The following SLC38A8 variants were observed in gnomAD, a reference collection of about 807,000 sequenced individuals.
SLC38A8 encodes solute carrier family 38 member 8, also known as amino acid transporter SLC38A8.
In SLC38A8, 65 loss-of-function variants were observed where a neutral mutation model predicts 46.0. That is an observed-to-expected ratio of 1.41 (90% CI 1.16 to 1.74). The LOEUF is 1.74. Among genes scored for constraint, SLC38A8 ranks in the 40% most tolerant of loss-of-function variants. The probability of loss-of-function intolerance (pLI) is 0.00; values close to 1 mark genes in which losing one functional copy is unlikely to be tolerated. For missense variants in SLC38A8, 998 were observed against 567.9 expected, an observed-to-expected ratio of 1.76 and a Z score of -7.70; for synonymous variants, 447 against 243.7, an observed-to-expected ratio of 1.83 and a Z score of -7.77.
chr16:84,014,687 A>C (rs1257533916), intron 9 of SLC38A8, among the ~76,000 whole-genome samples: 7 of 152,186 alleles, frequency 4.6e-5, no homozygotes, highest in Non-Finnish European at 8.8e-5. Context: ...CCCAGTCTTT[A>C]TCTCTTAATC....
At chr16:84,020,526 C>A (rs1232643981) in intron 7 of SLC38A8, among the ~76,000 whole-genome samples, 1 of 152,186 alleles carries the variant, frequency 6.6e-6, no homozygotes, top group African/African-American at 2.4e-5. Flanking sequence ...GCAGAATTAG[C>A]AACGCACGCA....
chr16:84,011,730 G>C (rs1033515712), intron 10 of SLC38A8, among the ~76,000 whole-genome samples: 5 of 152,118 alleles, frequency 3.3e-5, no homozygotes, highest in Non-Finnish European at 7.4e-5. Flanking sequence ...CCTTATAAAA[G>C]AAAGGCAGCC....
At position 84,017,255 on chromosome 16, in the gene SLC38A8, C is replaced by G; in HGVS notation, c.838G>C (p.Val280Leu). ...TAGGACATCAAGACGTCAGCAGAAACTTCTGTCCCAAAAGTCAGGAAGCCA... is the reference window on the plus strand; with the variant it reads ...TAGGACATCAAGACGTCAGCAGAAAGTTCTGTCCCAAAAGTCAGGAAGCCA... ...VYGFLTFGTE[V>L]SADVLMSYPG... is the part of the protein sequence containing the mutation. The change falls in exon 8 of 11, where the codon GTT becomes CTT. Residue 280 changes from valine (V) to leucine (L), a missense_variant. Coordinates refer to ENST00000299709, the MANE Select transcript of SLC38A8 (RefSeq NM_001080442.3). The G allele has an allele frequency of 6.2e-7, 1 of 1,614,124 alleles. No individual in the cohort carries two copies. Among genetic ancestry groups the G allele is most frequent in the Non-Finnish European group, 8.5e-7 (1 of 1,180,012 alleles).
intron 1 of SLC38A8, 75 bp from the exon 2 acceptor site, chr16:84,042,234 G>A (rs889289960): frequency 6.7e-7 from 1 of 1,486,864 alleles, no homozygotes; most frequent in Non-Finnish European, 9.0e-7. Context: ...ATCCTTATTT[G>A]TCTCCCCAAC....
chr16:84,022,885 T>C lies in SLC38A8; in HGVS notation c.695A>G (p.His232Arg), dbSNP rs200596605. Reference sequence around the variant, plus strand: ...GCAGTAGATGGAGACGGCAGCTTCGTGACACTGTAAGACAGAGGGCGGCTC... The same window carrying C: ...GCAGTAGATGGAGACGGCAGCTTCGCGACACTGTAAGACAGAGGGCGGCTC... ...FPTICFGFQC[H>R]EAAVSIYCSM... The change falls in exon 7 of 11, where the codon CAC becomes CGC. Residue 232 changes from histidine (H) to arginine (R), a missense_variant. By Grantham distance (29) the His-to-Arg change is conservative. Coordinates refer to ENST00000299709, the MANE Select transcript of SLC38A8 (RefSeq NM_001080442.3). 3 of 1,601,784 alleles carry C rather than the reference T, an allele frequency of 1.9e-6. No homozygotes were observed. The East Asian group carries it at 6.8e-5, about 36-fold the overall frequency.
At position 84,009,837 on chromosome 16, in the gene SLC38A8, C is replaced by A. The variant is rs371651350; in HGVS notation, c.1255G>T (p.Gly419Cys). ...EVWGVVSVLV[G>C]TFIFGQSTAA... ...GTGCTCTGCCCAAAGATGAAGGTGC[C>A]GACCAGCACAGAGACCACTCCCCAG... is the stretch of plus-strand genomic sequence containing the variant. The change falls in exon 11 of 11, where the codon GGC (glycine) becomes TGC (cysteine). Residue 419 changes from glycine (G) to cysteine (C), a missense_variant. Physicochemically the swap from Gly to Cys is radical, Grantham distance 159. Transcript: ENST00000299709. 3 of 1,614,104 alleles carry A rather than the reference C, an allele frequency of 1.9e-6. No individual in the cohort carries two copies. The highest frequency in any genetic ancestry group is 1.7e-5 in the Admixed American group (1 of 60,006).
Position 84,042,051 on chromosome 16 carries a change from G to C in SLC38A8, c.107C>G (p.Ser36Cys), listed in dbSNP as rs772857084. The C allele has an allele frequency of 5.0e-6, 8 of 1,613,922 alleles. No homozygotes were observed. The highest frequency in any genetic ancestry group is 1.6e-4 in the Middle Eastern group (1 of 6,078). The change falls in exon 2 of 11, where the codon TCC (serine) becomes TGC (cysteine). Residue 36 changes from serine (S) to cysteine (C), a missense_variant. Physicochemically the swap from Ser to Cys is moderately radical, Grantham distance 112. Transcript: ENST00000299709. Reference protein sequence around the residue: ...SMGAVFILMKSALGAGLLNFP... With the variant: ...SMGAVFILMKCALGAGLLNFP... ...GTTGAGCAGGCCAGCTCCCAGCGCG[G>C]ACTTCATGAGGATGAAGACAGCGCC...
rs765103387 is a variant in SLC38A8, at chr16:84,031,851, G to C, written c.632+16C>G. On this transcript the variant is annotated intron_variant, in intron 5 of 10. Coordinates refer to ENST00000299709, the MANE Select transcript of SLC38A8 (RefSeq NM_001080442.3). The stretch of plus-strand genomic sequence containing the variant: ...CTCCCCGCCGAGGCTGCCGGAAGCT[G>C]TTCCCTCAGACTTACCTCAGTGAAG... 1 of 1,611,148 alleles carries C rather than the reference G, an allele frequency of 6.2e-7. No homozygotes were observed. Among genetic ancestry groups the C allele is most frequent in the Non-Finnish European group, 8.5e-7 (1 of 1,177,544 alleles).
At chr16:84,033,578 GC>G in intron 3 of SLC38A8, 109 bp from the exon 4 acceptor site, 1 of 1,280,708 alleles carries the variant, frequency 7.8e-7, no homozygotes, top group Non-Finnish European at 1.1e-6. Flanking sequence ...CCCTCAGCCA[GC>G]CCCAGGAGCC....
chr16:84,015,423 G>A (rs1331625021), intron 9 of SLC38A8, among the ~76,000 whole-genome samples: 1 of 152,096 alleles, frequency 6.6e-6, no homozygotes, highest in African/African-American at 2.4e-5. Context: ...AGGGAAGGGA[G>A]ACATTTGCAG....
At position 84,033,399 on chromosome 16, in the gene SLC38A8, C is replaced by T. The variant is rs57576928; in HGVS notation, c.459G>A (p.Leu153=). 136,169 of 1,613,838 alleles carry T rather than the reference C, an allele frequency of 0.084. 6,572 individuals are homozygous for T. The highest frequency in any genetic ancestry group is 0.2 in the East Asian group (9,128 of 44,826). ...QPWYADQRFT[L]PLLSVLVILP... ...GGATGACCAGCACGGAGAGCAGGGG[C>T]AGGGTGAAGCGCTGGTCTGCGTACC... is the stretch of plus-strand genomic sequence containing the variant. The change falls in exon 4 of 11, where the codon CTG becomes CTA. Residue 153 remains leucine, a synonymous_variant. Coordinates refer to ENST00000299709, the MANE Select transcript of SLC38A8 (RefSeq NM_001080442.3).
At chr16:84,020,455 C>A (rs897111361) in intron 7 of SLC38A8, among the ~76,000 whole-genome samples, 71 of 152,334 alleles carry the variant, frequency 4.7e-4, no homozygotes, top group African/African-American at 1.7e-3. Context: ...GCCTGAAGAA[C>A]ATCTTTTGAA....
intron 6 of SLC38A8, among the ~76,000 whole-genome samples, chr16:84,024,953 T>C (rs979199794): frequency 6.6e-6 from 1 of 152,130 alleles, no homozygotes; most frequent in African/African-American, 2.4e-5. Context: ...AGTGCTGGGA[T>C]TACAGGCGTG....
Position 84,033,268 on chromosome 16 carries a change from A to G in SLC38A8, c.530+60T>C, listed in dbSNP as rs796633213. On this transcript the variant is annotated intron_variant, in intron 4 of 10. Transcript: ENST00000299709. The stretch of plus-strand genomic sequence containing the variant: ...CTCCTCTGACCCCAGATGGACAGAA[A>G]CCCTGACACAAACACTCAGCAAGGT... 29 of 1,610,610 alleles carry G rather than the reference A, an allele frequency of 1.8e-5. No individual in the cohort carries two copies. The African/African-American group carries it at 3.7e-4, about 21-fold the overall frequency.
intron 7 of SLC38A8, among the ~76,000 whole-genome samples, chr16:84,018,865 A>G (rs8055932): frequency 0.44 from 67,341 of 151,502 alleles, 16,293 homozygotes; most frequent in Non-Finnish European, 0.54. Flanking sequence ...ACTAGGAGAT[A>G]TATGGGGTGG....
chr16:84,020,819 A>C (rs766539482), intron 7 of SLC38A8, among the ~76,000 whole-genome samples: 9 of 152,046 alleles, frequency 5.9e-5, no homozygotes, highest in Non-Finnish European at 1.2e-4. Context: ...TCTCCATATT[A>C]ATCTCCTTAG....
intron 2 of SLC38A8, among the ~76,000 whole-genome samples, chr16:84,038,262 G>A (rs558071871): frequency 2.0e-5 from 3 of 151,636 alleles, no homozygotes; most frequent in Non-Finnish European, 4.4e-5. Flanking sequence ...AGTAAGCTGA[G>A]ATCGTGCCAC....
intron 3 of SLC38A8, among the ~76,000 whole-genome samples, chr16:84,034,134 C>G (rs1456105909): frequency 6.6e-6 from 1 of 152,204 alleles, no homozygotes; most frequent in Non-Finnish European, 1.5e-5. Context: ...TCCCTGCAGT[C>G]TGGGAGTCTC....
At chr16:84,012,295 C>T (rs2084963860) in intron 10 of SLC38A8, among the ~76,000 whole-genome samples, 1 of 152,196 alleles carries the variant, frequency 6.6e-6, no homozygotes, top group Non-Finnish European at 1.5e-5. Flanking sequence ...CGTCCTCTTC[C>T]GTGGGTCAGA....
Sources: gnomAD v4.1 joint callset for allele counts (sites outside exome capture counted in the v4.1 genomes callset) on GRCh38, gnomAD v4.1.1 for gene constraint, MANE v1.5 for transcripts, NCBI Gene and HGNC (gene_info 2026-07-23, HGNC 2026-07-21) for gene names.